C2orf49: variants seen among roughly 807,000 people sequenced by gnomAD.
The protein encoded by C2orf49 is tRNA splicing ligase complex subunit 2.
C2orf49 carries 11 observed loss-of-function variants against 20.6 expected under a neutral mutation model. The observed-to-expected ratio is 0.53, with a 90% CI of 0.34 to 0.88. The LOEUF is 0.88. C2orf49 is among the 40% of genes least tolerant of loss of function. The pLI, the probability that C2orf49 is intolerant of heterozygous loss-of-function variation, is 0.02. For missense variants in C2orf49, 289 were observed against 274.2 expected (o/e 1.05, Z -0.38); for synonymous variants, 134 against 108.5 (o/e 1.24, Z -1.46).
At chr2:105,385,499 C>T in the C2orf49 span, among the ~76,000 whole-genome samples, 1 of 152,220 alleles carries the variant, frequency 6.6e-6, no homozygotes, top group Non-Finnish European at 1.5e-5. Flanking sequence ...AGTAAAATGC[C>T]ATGAACTGAC....
At position 105,348,809 on chromosome 2, in the gene C2orf49, TA is replaced by T. The variant is rs1286349822; in HGVS notation, c.*3440del. ...CTTATTAAAATGGAAAAATGCTCTG[TA>T]ATGACTTGATCTGTTTTTATTTGAG... On this transcript the variant is annotated 3_prime_UTR_variant, in exon 4 of 4. Transcript: ENST00000258457. 1 of 152,192 alleles carries T rather than the reference TA, an allele frequency of 6.6e-6. No individual in the cohort carries two copies. Among genetic ancestry groups the T allele is most frequent in the Non-Finnish European group, 1.5e-5 (1 of 68,030 alleles). 9.4% of individuals were successfully genotyped at this position (152,192 alleles called of 1,614,324 possible).
In C2orf49 at chr2:105,338,503, C is replaced by T. The variant is rs865922858; in HGVS notation, c.99+817C>T. Among the ~76,000 whole-genome samples the T allele has an allele frequency of 3.3e-5, 5 of 152,248 alleles. No homozygotes were observed. The South Asian group carries it at 6.2e-4, about 19-fold the overall frequency. The stretch of plus-strand genomic sequence containing the variant: ...TTGTTGGGCTCCGTCCTCAGTTTCT[C>T]GTTCAGTAGTTCCGGAATGTGGCCC... On this transcript the variant is annotated intron_variant, in intron 1 of 3. Coordinates refer to ENST00000258457, the MANE Select transcript of C2orf49 (RefSeq NM_024093.3).
At chr2:105,384,991 A>G in the C2orf49 span, among the ~76,000 whole-genome samples, 2 of 152,358 alleles carry the variant, frequency 1.3e-5, no homozygotes, top group African/African-American at 4.8e-5. Flanking sequence ...GTGCAGTGAG[A>G]CACGCAGCAG....
At chr2:105,355,768 TTTTGTGTGTG>T in the C2orf49 span, among the ~76,000 whole-genome samples, 115 of 100,584 alleles carry the variant, frequency 1.1e-3, no homozygotes, top group Non-Finnish European at 1.7e-3. Flanking sequence ...GGAGAAAAAA[TTTTGTGTGTG>T]TGTGTGTGTG....
At chr2:105,355,969 G>A in the C2orf49 span, among the ~76,000 whole-genome samples, 10 of 152,170 alleles carry the variant, frequency 6.6e-5, no homozygotes, top group African/African-American at 2.4e-4. Context: ...AACAGACCAG[G>A]TGTGATGACT....
chr2:105,356,369 C>T, the C2orf49 span, among the ~76,000 whole-genome samples: 1 of 151,042 alleles, frequency 6.6e-6, no homozygotes, highest in Non-Finnish European at 1.5e-5. Flanking sequence ...ACAGCCTGGG[C>T]GACAGAGCAA....
chr2:105,352,472 T>C (rs1401501807), downstream of C2orf49, among the ~76,000 whole-genome samples: 1 of 112,080 alleles, frequency 8.9e-6, no homozygotes, highest in Non-Finnish European at 1.7e-5. Flanking sequence ...TGAGATGGAG[T>C]CTTGCTCTGT....
At chr2:105,351,521 T>TAA (rs1203089980), downstream of C2orf49, among the ~76,000 whole-genome samples, 114 of 152,312 alleles carry the variant, frequency 7.5e-4, 2 homozygotes, top group East Asian at 0.017. Context: ...ATACTTATTT[T>TAA]ATATTTTGGG....
At chr2:105,379,149 A>G in the C2orf49 span, among the ~76,000 whole-genome samples, 1 of 152,214 alleles carries the variant, frequency 6.6e-6, no homozygotes, top group South Asian at 2.1e-4. Flanking sequence ...TGCCACGTAC[A>G]TCACCATTGG....
the C2orf49 span, among the ~76,000 whole-genome samples, chr2:105,380,163 A>G: frequency 1.3e-5 from 2 of 152,230 alleles, no homozygotes; most frequent in East Asian, 3.8e-4. Context: ...GATCTTGGCC[A>G]ACATGGTATT....
the C2orf49 span, among the ~76,000 whole-genome samples, chr2:105,365,020 T>C: frequency 6.6e-6 from 1 of 152,214 alleles, no homozygotes; most frequent in Non-Finnish European, 1.5e-5. Flanking sequence ...CAGTAGCCTG[T>C]GTGTGTAAGA....
At position 105,339,736 on chromosome 2, in the gene C2orf49, A is replaced by C; in HGVS notation, c.253A>C (p.Asn85His). The C allele has an allele frequency of 6.3e-7, 1 of 1,594,804 alleles. No homozygotes were observed. The highest frequency in any genetic ancestry group is 8.5e-7 in the Non-Finnish European group (1 of 1,175,536). The change falls in exon 2 of 4, where the codon AAT (asparagine) becomes CAT (histidine). Residue 85 changes from asparagine to histidine, a missense_variant. Transcript: ENST00000258457. Reference protein sequence around the residue: ...EKKREQHEIKNETKRSSTVDG... With the variant: ...EKKREQHEIKHETKRSSTVDG... The stretch of plus-strand genomic sequence containing the variant: ...GAAAAGAGAACAACATGAGATTAAA[A>C]ATGAGACTAAAAGGTACTTTTTGGT...
downstream of C2orf49, among the ~76,000 whole-genome samples, chr2:105,350,626 T>A (rs993271993): frequency 2.6e-5 from 4 of 152,262 alleles, no homozygotes; most frequent in African/African-American, 9.6e-5. Context: ...TTTAGGAGAC[T>A]GTAAAATGCT....
downstream of C2orf49, among the ~76,000 whole-genome samples, chr2:105,351,120 G>A (rs1185008137): frequency 6.6e-6 from 1 of 152,086 alleles, no homozygotes; most frequent in Non-Finnish European, 1.5e-5. Flanking sequence ...TGACTAGACT[G>A]GGGCTATGTG....
chr2:105,352,289 TAAC>T (rs138729021), downstream of C2orf49, among the ~76,000 whole-genome samples: 1,151 of 152,306 alleles, frequency 7.6e-3, 15 homozygotes, highest in African/African-American at 0.026. Context: ...TTTTCTCTAT[TAAC>T]AACAACAAAA....
the C2orf49 span, among the ~76,000 whole-genome samples, chr2:105,384,023 C>T: frequency 1.3e-5 from 2 of 152,294 alleles, no homozygotes; most frequent in South Asian, 4.1e-4. Flanking sequence ...GCTCATAAAA[C>T]ATGCGTGGAA....
downstream of C2orf49, among the ~76,000 whole-genome samples, chr2:105,352,429 G>GTTTTTTTTTTTTTTTTTTTTTTTTTTT (rs61585149): frequency 1.4e-4 from 11 of 80,758 alleles, no homozygotes; most frequent in East Asian, 4.0e-4. Flanking sequence ...GTTTGTTTGG[G>GTTTTTTTTTTTTTTTTTTTTTTTTTTT]TTTTTTTTTT....
At chr2:105,366,228 A>AAT in the C2orf49 span, among the ~76,000 whole-genome samples, 1 of 151,968 alleles carries the variant, frequency 6.6e-6, no homozygotes. Flanking sequence ...AAAAAAAAAA[A>AAT]GGAAATGAGA....
At chr2:105,340,187 C>T (rs2679847) in intron 2 of C2orf49, among the ~76,000 whole-genome samples, 21,029 of 152,152 alleles carry the variant, frequency 0.14, 1,806 homozygotes, top group South Asian at 0.24. Flanking sequence ...GTAGGAAGAA[C>T]GAGTTGTACT....
Sources: allele counts gnomAD v4.1 joint callset (sites outside exome capture counted in the v4.1 genomes callset), GRCh38; gene constraint gnomAD v4.1.1; transcripts MANE v1.5; gene names NCBI Gene and HGNC (gene_info 2026-07-23, HGNC 2026-07-21).